ICE1: variants seen among roughly 807,000 people sequenced by gnomAD.
The protein encoded by ICE1 is little elongation complex subunit 1.
A neutral mutation model predicts 192.7 loss-of-function variants in ICE1; 64 were observed. The ratio of observed to expected loss-of-function variants is 0.33; its 90% confidence interval spans 0.27 to 0.41. The LOEUF (loss-of-function observed/expected upper bound fraction) is 0.41. Ranked by LOEUF, ICE1 falls within the 10% of genes least tolerant of loss-of-function variation. The probability of loss-of-function intolerance (pLI) is 1.00; values close to 1 mark genes in which losing one functional copy is unlikely to be tolerated. For missense variants in ICE1, 2,708 were observed against 2,696.0 expected (o/e 1.00, Z -0.10); for synonymous variants, 1,010 against 984.5 (o/e 1.03, Z -0.49).
chr5:5,428,969 A>G lies in ICE1; in HGVS notation c.84+5970A>G, dbSNP rs568286185. Among the ~76,000 whole-genome samples the G allele has an allele frequency of 9.2e-5, 14 of 152,268 alleles. No homozygotes were observed. The East Asian group carries it at 2.7e-3, about 29-fold the overall frequency. On this transcript the variant is annotated intron_variant, in intron 1 of 18. Coordinates refer to ENST00000296564, the MANE Select transcript of ICE1 (RefSeq NM_015325.3). ...GTTCAGTACTCATAGGACTTAGCAT[A>G]TAGTTATACTCATGGCTGTGGTTTC...
intron 17 of ICE1, among the ~76,000 whole-genome samples, chr5:5,476,435 G>A (rs940205157): frequency 1.4e-4 from 22 of 152,034 alleles, no homozygotes; most frequent in African/African-American, 5.3e-4. Context: ...TTCTTGCATT[G>A]CTATATAAAA....
chr5:5,449,152 A>G (rs1042884102), intron 10 of ICE1, among the ~76,000 whole-genome samples: 2 of 152,092 alleles, frequency 1.3e-5, no homozygotes, highest in African/African-American at 4.8e-5. Flanking sequence ...ACTTATTACT[A>G]TCTCAAGTAA....
chr5:5,448,659 A>T (rs1429868463), intron 10 of ICE1, among the ~76,000 whole-genome samples: 2 of 138,234 alleles, frequency 1.4e-5, no homozygotes, highest in South Asian at 2.6e-4. Flanking sequence ...CTAATGTGTT[A>T]TTTTTTTCTC....
chr5:5,453,143 G>A (rs186151357), intron 10 of ICE1, among the ~76,000 whole-genome samples: 27 of 151,948 alleles, frequency 1.8e-4, no homozygotes, highest in Non-Finnish European at 2.2e-4. Context: ...TTGGGTATAC[G>A]TAATAAGCAG....
chr5:5,457,565 C>A lies in ICE1; in HGVS notation c.925C>A (p.Gln309Lys). 6.2e-7 allele frequency: 1 copy of A among 1,613,936 alleles called. No homozygotes were observed. Among genetic ancestry groups the A allele is most frequent in the Non-Finnish European group, 8.5e-7 (1 of 1,179,840 alleles). ...NENGNLEVLV[Q>K]SHRDGGSTEF... Reference sequence around the variant, plus strand: ...GAATGGAAATCTTGAGGTTTTAGTACAAAGTCATCGTGACGGTGGTAGTAC... The same window carrying A: ...GAATGGAAATCTTGAGGTTTTAGTAAAAAGTCATCGTGACGGTGGTAGTAC... Residue 309 changes from glutamine to lysine, a missense_variant, in exon 12 of 19, where the codon CAA becomes AAA. Transcript: ENST00000296564.
At chr5:5,437,414 G>C (rs761929473) in intron 3 of ICE1, 11 of 260,420 alleles carry the variant, frequency 4.2e-5, no homozygotes, top group Non-Finnish European at 8.0e-5. Flanking sequence ...ATGTTTTTTA[G>C]GTTTACGAAT....
rs900074067 is a variant in ICE1, at chr5:5,427,677, C to T, written c.84+4678C>T. Among the ~76,000 whole-genome samples, 5 of 152,070 alleles carry T rather than the reference C, an allele frequency of 3.3e-5. No homozygotes were observed. In the East Asian group the frequency reaches 9.6e-4, roughly 29 times the overall value. On this transcript the variant is annotated intron_variant, in intron 1 of 18. Transcript: ENST00000296564. ...GAACTTGAAACATTTTATTCCAGACCTATTGATTTAGAAATGGTTCTTTTA... is the reference window on the plus strand; with the variant it reads ...GAACTTGAAACATTTTATTCCAGACTTATTGATTTAGAAATGGTTCTTTTA...
chr5:5,431,022 A>G (rs1200191740), intron 1 of ICE1, among the ~76,000 whole-genome samples: 1 of 152,188 alleles, frequency 6.6e-6, no homozygotes, highest in Admixed American at 6.5e-5. Flanking sequence ...AAACTGATGA[A>G]ATAGTTTCGA....
At position 5,489,198 on chromosome 5, in the gene ICE1, G is replaced by T; in HGVS notation, c.6669G>T (p.Leu2223Phe). The change falls in exon 19 of 19, where the codon TTG becomes TTT. Residue 2223 changes from leucine to phenylalanine, a missense_variant. Leu to Phe is a conservative substitution (Grantham distance 22, BLOSUM62 0). Coordinates refer to ENST00000296564, the MANE Select transcript of ICE1 (RefSeq NM_015325.3). ...CAGCCGTGTATGCTCTTTGTGACTT[G>T]AGTCCCAGCAATCCAGCAGAAATTT... ...QLAAVYALCD[L>F]SPSNPAEISK... 6.2e-7 allele frequency: 1 copy of T among 1,613,894 alleles called. No homozygotes were observed. The highest frequency in any genetic ancestry group is 8.5e-7 in the Non-Finnish European group (1 of 1,179,876).
chr5:5,464,132 C>G lies in ICE1; in HGVS notation c.4798C>G (p.Gln1600Glu). The G allele has an allele frequency of 6.2e-7, 1 of 1,613,506 alleles. No homozygotes were observed. The highest frequency in any genetic ancestry group is 1.1e-5 in the South Asian group (1 of 91,082). The change falls in exon 13 of 19, where the codon CAA becomes GAA. Residue 1600 changes from glutamine (Q) to glutamate (E), a missense_variant. Physicochemically the swap from Gln to Glu is conservative, Grantham distance 29. Around this residue, in one of 2 missense-constraint regions of ICE1, gnomAD observed 2,366 missense variants for 2,276.6 expected, o/e 1.04. Transcript: ENST00000296564. The surrounding 1 kb of genome is among the most constrained non-coding windows in gnomAD (Gnocchi z 4.0). ...EKANTKTQRS[Q>E]TQTILANADT... ...AGCTAATACAAAAACTCAAAGAAGC[C>G]AAACTCAGACCATTTTAGCAAATGC...
chr5:5,461,510 A>G lies in ICE1; in HGVS notation c.2176A>G (p.Thr726Ala), dbSNP rs776829411. 16 of 1,613,618 alleles carry G rather than the reference A, an allele frequency of 9.9e-6. No individual in the cohort carries two copies. The Admixed American group carries it at 2.7e-4, about 27-fold the overall frequency. Reference sequence around the variant, plus strand: ...TCAGAAGAGCAGTGGGATAGAATATACAAAAGTAGTAAAAGGCTTGACCAA... The same window carrying G: ...TCAGAAGAGCAGTGGGATAGAATATGCAAAAGTAGTAAAAGGCTTGACCAA... ...NDQKSSGIEY[T>A]KVVKGLTKIH... The change falls in exon 13 of 19, where the codon ACA (threonine) becomes GCA (alanine). Residue 726 changes from threonine to alanine, a missense_variant. Thr to Ala is a moderately conservative substitution (Grantham distance 58). Coordinates refer to ENST00000296564, the MANE Select transcript of ICE1 (RefSeq NM_015325.3).
intron 5 of ICE1, among the ~76,000 whole-genome samples, chr5:5,441,792 C>A (rs903018122): frequency 6.6e-6 from 1 of 152,192 alleles, no homozygotes; most frequent in Admixed American, 6.5e-5. Context: ...GTAACCCTAA[C>A]TGCTTTGTTT....
In ICE1 at chr5:5,423,617, G is replaced by C. The variant is rs144952527; in HGVS notation, c.84+618G>C. On this transcript the variant is annotated intron_variant, in intron 1 of 18. Transcript: ENST00000296564. ...GAGACTGGAGGTTTCTAACAGCGGC[G>C]TGGGCTCTTCTTTAGAGTGACATAA... is the stretch of plus-strand genomic sequence containing the variant. Among the ~76,000 whole-genome samples the C allele has an allele frequency of 4.7e-3, 719 of 152,328 alleles. 1 individual carries two copies. Among genetic ancestry groups the C allele is most frequent in the Non-Finnish European group, 8.0e-3 (545 of 68,024 alleles).
At chr5:5,440,260 A>G (rs1738000683) in intron 4 of ICE1, among the ~76,000 whole-genome samples, 1 of 152,206 alleles carries the variant, frequency 6.6e-6, no homozygotes, top group African/African-American at 2.4e-5. Context: ...CTGTTACTTT[A>G]AACAGTTGAA....
At chr5:5,442,191 A>G (rs1172059767) in intron 5 of ICE1, among the ~76,000 whole-genome samples, 1 of 152,222 alleles carries the variant, frequency 6.6e-6, no homozygotes, top group Non-Finnish European at 1.5e-5. Context: ...TAAAAACATT[A>G]AAGTCCATAG....
intron 7 of ICE1, among the ~76,000 whole-genome samples, chr5:5,446,003 G>A (rs1738211710): frequency 1.3e-5 from 2 of 151,684 alleles, no homozygotes; most frequent in Admixed American, 1.3e-4. Context: ...ACAGGCGTGA[G>A]TCACCGCGCC....
At chr5:5,452,444 CAG>C (rs1437552591) in intron 10 of ICE1, among the ~76,000 whole-genome samples, 3 of 151,982 alleles carry the variant, frequency 2.0e-5, no homozygotes, top group Non-Finnish European at 4.4e-5. Context: ...GCACCTGAAC[CAG>C]CAGATGTCTA....
chr5:5,471,656 TAAAG>T (rs1468884606), intron 15 of ICE1, among the ~76,000 whole-genome samples: 1 of 152,068 alleles, frequency 6.6e-6, no homozygotes, highest in Non-Finnish European at 1.5e-5. Context: ...ATTACTAAAT[TAAAG>T]AAGAAACCCC....
rs947996091 is a variant in ICE1 at position 5,438,888 on chromosome 5, A to G, written c.179-1007A>G. Among the ~76,000 whole-genome samples, 5 of 152,192 alleles carry G rather than the reference A, an allele frequency of 3.3e-5. No homozygotes were observed. The East Asian group carries it at 5.8e-4, about 18-fold the overall frequency. ...ATACCTTTAAAAAAATATGTTTCAC[A>G]TTTGCTCCAAGTATGCATTTGTTGT... On this transcript the variant is annotated intron_variant, in intron 3 of 18. Coordinates refer to ENST00000296564, the MANE Select transcript of ICE1 (RefSeq NM_015325.3).
Sources: gnomAD v4.1 joint callset for allele counts (sites outside exome capture counted in the v4.1 genomes callset) on GRCh38, gnomAD v4.1.1 for gene constraint, gnomAD v4.1.1 regional missense constraint, Gnocchi (gnomAD v3.1) non-coding constraint, MANE v1.5 for transcripts, NCBI Gene and HGNC (gene_info 2026-07-23, HGNC 2026-07-21) for gene names.